The following PRKAR2A variants were observed in gnomAD, a reference collection of about 807,000 sequenced individuals.
The protein encoded by PRKAR2A is protein kinase cAMP-dependent type II regulatory subunit alpha.
In PRKAR2A, 29 loss-of-function variants were observed where a neutral mutation model predicts 51.9. The observed-to-expected ratio is 0.56, with a 90% CI of 0.42 to 0.76. PRKAR2A has a LOEUF of 0.76. Among genes scored for constraint, PRKAR2A ranks in the 30% least tolerant of loss-of-function variants. The probability of loss-of-function intolerance (pLI) is 0.00; values close to 1 mark genes in which losing one functional copy is unlikely to be tolerated. For missense variants in PRKAR2A, 445 were observed against 512.1 expected, an observed-to-expected ratio of 0.87 and a Z score of 1.26; for synonymous variants, 178 against 186.2, an observed-to-expected ratio of 0.96 and a Z score of 0.36.
chr3:48,810,203 C>T (rs1445312275), intron 1 of PRKAR2A, among the ~76,000 whole-genome samples: 1 of 146,762 alleles, frequency 6.8e-6, no homozygotes, highest in African/African-American at 2.5e-5. Context: ...CTAAACAAAA[C>T]TCACATGTGG....
intron 2 of PRKAR2A, among the ~76,000 whole-genome samples, chr3:48,806,119 C>T (rs1464906522): frequency 1.3e-5 from 2 of 152,216 alleles, no homozygotes; most frequent in Non-Finnish European, 2.9e-5. Flanking sequence ...AGGATATTGA[C>T]TCTCTTAACA....
chr3:48,793,116 T>C (rs553932803), intron 3 of PRKAR2A, among the ~76,000 whole-genome samples: 1 of 151,734 alleles, frequency 6.6e-6, no homozygotes, highest in Non-Finnish European at 1.5e-5. Context: ...AATAAATATA[T>C]ATATTTCAAA....
chr3:48,754,020 C>T (rs980306408), intron 9 of PRKAR2A, among the ~76,000 whole-genome samples: 8 of 149,958 alleles, frequency 5.3e-5, no homozygotes, highest in Non-Finnish European at 1.0e-4. Context: ...GCCTCAGCCT[C>T]CTGAGTAGCT....
chr3:48,837,577 C>A (rs1371514443), intron 1 of PRKAR2A, among the ~76,000 whole-genome samples: 1 of 152,032 alleles, frequency 6.6e-6, no homozygotes, highest in African/African-American at 2.4e-5. Flanking sequence ...ACTATATGGC[C>A]CAGCAATTCT....
intron 6 of PRKAR2A, among the ~76,000 whole-genome samples, chr3:48,768,942 T>C (rs2081981388): frequency 6.6e-6 from 1 of 151,092 alleles, no homozygotes; most frequent in Admixed American, 6.6e-5. Context: ...CTACCAAAAA[T>C]ATAAAAAATT....
intron 1 of PRKAR2A, among the ~76,000 whole-genome samples, chr3:48,814,078 TC>T (rs1420997953): frequency 6.6e-6 from 1 of 152,084 alleles, no homozygotes; most frequent in Non-Finnish European, 1.5e-5. Context: ...TGAAACCCTG[TC>T]CCTACTAAAA....
rs11358464 is a variant in PRKAR2A at position 48,747,041 on chromosome 3, C to CTTTTTTTTTT, written c.*4534_*4543dup. 1.1e-5 allele frequency: 1 copy of CTTTTTTTTTT among 88,370 alleles called. No homozygotes were observed. Among genetic ancestry groups the CTTTTTTTTTT allele is most frequent in the African/African-American group, 4.4e-5 (1 of 22,742 alleles). 5.5% of individuals were successfully genotyped at this position (88,370 alleles called of 1,614,324 possible). On this transcript the variant is annotated 3_prime_UTR_variant, in exon 11 of 11. Transcript: ENST00000265563. The stretch of plus-strand genomic sequence containing the variant: ...CATGAGGTTAGTGACAGTTCTTGTC[C>CTTTTTTTTTT]TTTTTTTTTTTTTTTTTTTTTTTTT...
At chr3:48,803,810 C>T (rs1416180419) in intron 2 of PRKAR2A, among the ~76,000 whole-genome samples, 2 of 152,118 alleles carry the variant, frequency 1.3e-5, no homozygotes, top group Admixed American at 1.3e-4. Flanking sequence ...GAGTTCAAGA[C>T]CCGCCTGGCC....
At chr3:48,802,639 G>A (rs2082608054) in intron 2 of PRKAR2A, among the ~76,000 whole-genome samples, 1 of 151,698 alleles carries the variant, frequency 6.6e-6, no homozygotes, top group Admixed American at 6.6e-5. Context: ...GGAGGTGGAA[G>A]TCGCAGTGAG....
chr3:48,753,220 C>G (rs188927005), intron 9 of PRKAR2A, among the ~76,000 whole-genome samples: 12 of 151,330 alleles, frequency 7.9e-5, no homozygotes, highest in East Asian at 5.8e-4. Context: ...GGCACTCCCC[C>G]CTCCCATTTT....
At chr3:48,841,026 C>G (rs529625914) in intron 1 of PRKAR2A, among the ~76,000 whole-genome samples, 1 of 150,588 alleles carries the variant, frequency 6.6e-6, no homozygotes, top group East Asian at 2.0e-4. Context: ...GGATTACAGG[C>G]GCACACCACC....
chr3:48,759,569 T>G (rs948954867), intron 8 of PRKAR2A, among the ~76,000 whole-genome samples: 6 of 152,106 alleles, frequency 3.9e-5, no homozygotes, highest in Admixed American at 1.3e-4. Context: ...GTATTTTTAG[T>G]AGAGACAGGG....
At chr3:48,755,353 T>C (rs1052033594) in intron 9 of PRKAR2A, among the ~76,000 whole-genome samples, 3 of 151,900 alleles carry the variant, frequency 2.0e-5, no homozygotes, top group African/African-American at 7.3e-5. Context: ...CTCGACTTAG[T>C]ATTATATATA....
Position 48,749,889 on chromosome 3 carries a change from TTTTC to T in PRKAR2A, c.*1692_*1695del, listed in dbSNP as rs979987128. The T allele has an allele frequency of 2.4e-4, 36 of 152,168 alleles. No individual in the cohort carries two copies. The highest frequency in any genetic ancestry group is 7.2e-4 in the African/African-American group (30 of 41,532). The allele number at this position is 152,168 out of a possible 1,614,324, so 9.4% of individuals were successfully genotyped here. On this transcript the variant is annotated 3_prime_UTR_variant, in exon 11 of 11. Coordinates refer to ENST00000265563, the MANE Select transcript of PRKAR2A (RefSeq NM_004157.4). ...GTGAAATTACCTAAAGAATAATTTTTTTTCTTTCTTTTTTTTTTTTTAAGAGACA... is the reference window on the plus strand; with the variant it reads ...GTGAAATTACCTAAAGAATAATTTTTTTTCTTTTTTTTTTTTTAAGAGACA...
At chr3:48,756,185 A>G (rs751009762) in intron 9 of PRKAR2A, among the ~76,000 whole-genome samples, 194 bp downstream of exon 9, 1 of 152,242 alleles carries the variant, frequency 6.6e-6, no homozygotes, top group Non-Finnish European at 1.5e-5. Flanking sequence ...AGCAAGAATA[A>G]GAATATGCTA....
chr3:48,839,596 T>C (rs1049230369), intron 1 of PRKAR2A, among the ~76,000 whole-genome samples: 17 of 152,260 alleles, frequency 1.1e-4, no homozygotes, highest in African/African-American at 4.1e-4. Flanking sequence ...TTATGTCCTG[T>C]TTGATATTAA....
At chr3:48,810,538 T>C (rs1258616271) in intron 1 of PRKAR2A, among the ~76,000 whole-genome samples, 1 of 152,092 alleles carries the variant, frequency 6.6e-6, no homozygotes, top group Non-Finnish European at 1.5e-5. Context: ...CTTTGTGGAA[T>C]TTTTTTCCTG....
At chr3:48,766,359 G>C (rs866412582) in intron 6 of PRKAR2A, among the ~76,000 whole-genome samples, 32 of 151,646 alleles carry the variant, frequency 2.1e-4, no homozygotes, top group African/African-American at 7.5e-4. Context: ...CTTGAGCTCA[G>C]GAGTTCAAGA....
At chr3:48,754,767 C>A (rs909269377) in intron 9 of PRKAR2A, among the ~76,000 whole-genome samples, 2 of 151,034 alleles carry the variant, frequency 1.3e-5, no homozygotes, top group African/African-American at 4.9e-5. Context: ...GAGCGACACT[C>A]TAGCTTAAAA....
Sources: allele counts gnomAD v4.1 joint callset (sites outside exome capture counted in the v4.1 genomes callset), GRCh38; gene constraint gnomAD v4.1.1; transcripts MANE v1.5; gene names NCBI Gene and HGNC (gene_info 2026-07-23, HGNC 2026-07-21).